CACNA2D3: variants seen among roughly 807,000 people sequenced by gnomAD.
CACNA2D3 encodes voltage-dependent calcium channel subunit alpha-2/delta-3.
A neutral mutation model predicts 160.6 loss-of-function variants in CACNA2D3; 60 were observed. The observed-to-expected ratio is 0.37, with a 90% CI of 0.30 to 0.46. The LOEUF is 0.46. Among genes scored for constraint, CACNA2D3 ranks in the 20% least tolerant of loss-of-function variants. The pLI, the probability that CACNA2D3 is intolerant of heterozygous loss-of-function variation, is 1.00. For missense variants in CACNA2D3, 1,205 were observed against 1,365.0 expected, an observed-to-expected ratio of 0.88 and a Z score of 1.85; for synonymous variants, 558 against 492.9, an observed-to-expected ratio of 1.13 and a Z score of -1.75.
At chr3:54,777,708 A>G (rs184320070) in intron 13 of CACNA2D3, among the ~76,000 whole-genome samples, 1,707 of 152,274 alleles carry the variant, frequency 0.011, 16 homozygotes, top group Non-Finnish European at 0.016. Flanking sequence ...TCACTTAGCC[A>G]GCTGTTAAAG....
intron 5 of CACNA2D3, among the ~76,000 whole-genome samples, chr3:54,511,519 T>C (rs1271300135): frequency 1.3e-5 from 2 of 152,250 alleles, no homozygotes; most frequent in Non-Finnish European, 2.9e-5. Flanking sequence ...ATTTTGATTC[T>C]TGTTTGTTTC....
At chr3:54,645,165 G>C (rs1427420893) in intron 11 of CACNA2D3, among the ~76,000 whole-genome samples, 1 of 152,178 alleles carries the variant, frequency 6.6e-6, no homozygotes, top group Non-Finnish European at 1.5e-5. Flanking sequence ...GGGGAAGCAG[G>C]CACATCTTAC....
At chr3:55,010,498 A>G (rs1703186553) in intron 34 of CACNA2D3, among the ~76,000 whole-genome samples, 1 of 152,170 alleles carries the variant, frequency 6.6e-6, no homozygotes, top group Admixed American at 6.5e-5. Context: ...GTGATCCTTA[A>G]TGAACGCTGG....
intron 4 of CACNA2D3, among the ~76,000 whole-genome samples, chr3:54,400,496 A>T (rs188554644): frequency 6.6e-5 from 10 of 152,116 alleles, no homozygotes; most frequent in Admixed American, 1.3e-4. Context: ...CTCATCTAAG[A>T]CTCACCATTG....
chr3:54,235,876 G>A (rs904105774), intron 2 of CACNA2D3, among the ~76,000 whole-genome samples: 1 of 152,180 alleles, frequency 6.6e-6, no homozygotes, highest in African/African-American at 2.4e-5. Flanking sequence ...TTCTTTCAAA[G>A]AGTACAGCAT....
chr3:54,174,573 G>GGC (rs1700629548), intron 2 of CACNA2D3, among the ~76,000 whole-genome samples: 1 of 142,798 alleles, frequency 7.0e-6, no homozygotes, highest in South Asian at 2.2e-4. Context: ...CGCCCAGGCT[G>GGC]GAGTGCAGTG....
intron 27 of CACNA2D3, among the ~76,000 whole-genome samples, chr3:54,911,677 C>T (rs1415779237): frequency 6.6e-6 from 1 of 152,122 alleles, no homozygotes; most frequent in African/African-American, 2.4e-5. Flanking sequence ...ATAGAAGCAG[C>T]AGCTTCTACC....
chr3:54,950,272 C>G (rs958453258), intron 27 of CACNA2D3, among the ~76,000 whole-genome samples: 1 of 152,136 alleles, frequency 6.6e-6, no homozygotes, highest in African/African-American at 2.4e-5. Flanking sequence ...TGGCACTGGC[C>G]CAAATGAACG....
At chr3:54,807,097 A>C (rs1300166922) in intron 13 of CACNA2D3, among the ~76,000 whole-genome samples, 2 of 152,226 alleles carry the variant, frequency 1.3e-5, no homozygotes, top group Non-Finnish European at 2.9e-5. Flanking sequence ...AAACCATAAA[A>C]ACCCTAGAAG....
In CACNA2D3 at chr3:54,761,941, C is replaced by A. The variant is rs1466517035; in HGVS notation, c.1247-2277C>A. The stretch of plus-strand genomic sequence containing the variant: ...AGGGCTGGTATTTCCTTACCCTGAG[C>A]CCTATTTTAGTCACTAAGAGATTCT... On this transcript the variant is annotated intron_variant, in intron 12 of 37. Transcript: ENST00000474759. Among the ~76,000 whole-genome samples, 3 of 152,150 alleles carry A rather than the reference C, an allele frequency of 2.0e-5. No homozygotes were observed. In the East Asian group the frequency reaches 5.8e-4, roughly 29 times the overall value.
chr3:54,166,477 G>A (rs1700460467), intron 2 of CACNA2D3, among the ~76,000 whole-genome samples: 3 of 152,192 alleles, frequency 2.0e-5, no homozygotes, highest in African/African-American at 4.8e-5. Flanking sequence ...AGAATACAGA[G>A]AGTGTCATTA....
At chr3:54,858,176 C>T (rs1469961168) in intron 17 of CACNA2D3, among the ~76,000 whole-genome samples, 4 of 151,900 alleles carry the variant, frequency 2.6e-5, no homozygotes, top group Non-Finnish European at 1.5e-5. Flanking sequence ...CTTAAAAATT[C>T]CTGTAGATTT....
At chr3:54,324,939 A>G (rs1336008170) in intron 3 of CACNA2D3, among the ~76,000 whole-genome samples, 2 of 152,008 alleles carry the variant, frequency 1.3e-5, no homozygotes, top group African/African-American at 4.8e-5. Context: ...TATTGATGGA[A>G]GGCAAATTTG....
chr3:55,028,121 C>T (rs1703605656), intron 35 of CACNA2D3, among the ~76,000 whole-genome samples: 1 of 152,158 alleles, frequency 6.6e-6, no homozygotes, highest in African/African-American at 2.4e-5. Context: ...TGTCCTGTTT[C>T]CAGAATCATT....
chr3:54,559,275 AT>A (rs1012663581), intron 5 of CACNA2D3, among the ~76,000 whole-genome samples: 4 of 151,644 alleles, frequency 2.6e-5, no homozygotes, highest in African/African-American at 9.7e-5. Flanking sequence ...CTTCACCCTT[AT>A]TTTTTTTCCA....
intron 10 of CACNA2D3, among the ~76,000 whole-genome samples, chr3:54,640,764 G>A (rs1485256276): frequency 3.3e-5 from 5 of 152,080 alleles, no homozygotes; most frequent in African/African-American, 1.2e-4. Flanking sequence ...CTCCCTATAT[G>A]CCTAAAACCT....
intron 3 of CACNA2D3, among the ~76,000 whole-genome samples, chr3:54,347,960 C>T (rs373728938): frequency 5.3e-5 from 8 of 152,086 alleles, no homozygotes; most frequent in Non-Finnish European, 8.8e-5. Context: ...ATATGCTTTT[C>T]GAAGCAGGCC....
rs531605630 is a variant in CACNA2D3, at chr3:54,606,179, T to C, written c.964-21608T>C. On this transcript the variant is annotated intron_variant, in intron 9 of 37. Coordinates refer to ENST00000474759, the MANE Select transcript of CACNA2D3 (RefSeq NM_018398.3). ...ATATATATTTCATTTATGAATCACA[T>C]AATAACAACCAATGCATTCCTCCTA... Among the ~76,000 whole-genome samples the C allele has an allele frequency of 5.9e-5, 9 of 152,182 alleles. No individual in the cohort carries two copies. In the South Asian group the frequency reaches 1.5e-3, roughly 25 times the overall value.
chr3:55,025,701 C>T (rs1261608153), intron 35 of CACNA2D3, among the ~76,000 whole-genome samples: 1 of 146,956 alleles, frequency 6.8e-6, no homozygotes, highest in Non-Finnish European at 1.5e-5. Context: ...CATGGCTAGT[C>T]TGTTTTAGCT....
Sources: gnomAD v4.1 joint callset for allele counts (sites outside exome capture counted in the v4.1 genomes callset) on GRCh38, gnomAD v4.1.1 for gene constraint, MANE v1.5 for transcripts, NCBI Gene and HGNC (gene_info 2026-07-23, HGNC 2026-07-21) for gene names.